The following KAZN variants were observed in gnomAD, a reference collection of about 807,000 sequenced individuals.
The protein encoded by KAZN is kazrin.
In KAZN, 40 loss-of-function variants were observed where a neutral mutation model predicts 87.4. That is an observed-to-expected ratio of 0.46 (90% CI 0.36 to 0.60). The LOEUF is 0.60. KAZN is among the 20% of genes least tolerant of loss of function. KAZN has a pLI of 0.00. For missense variants in KAZN, 898 were observed against 1,073.9 expected, an observed-to-expected ratio of 0.84 and a Z score of 2.29; for synonymous variants, 466 against 458.3, an observed-to-expected ratio of 1.02 and a Z score of -0.22.
chr1:15,082,213 C>A (rs1378122156), intron 8 of KAZN, among the ~76,000 whole-genome samples: 1 of 152,094 alleles, frequency 6.6e-6, no homozygotes, highest in Non-Finnish European at 1.5e-5. Context: ...ACAGGCCCAG[C>A]CAGGTGCAGG....
chr1:14,283,050 A>G (rs971340323), intron 2 of KAZN, among the ~76,000 whole-genome samples: 7 of 152,212 alleles, frequency 4.6e-5, no homozygotes, highest in African/African-American at 1.4e-4. Context: ...CAGAGCAAAG[A>G]AGGAGTCAGG....
chr1:14,798,735 A>G (rs1645912230), intron 1 of KAZN, among the ~76,000 whole-genome samples: 1 of 150,660 alleles, frequency 6.6e-6, no homozygotes, highest in African/African-American at 2.4e-5. Context: ...CGCCCGGCCC[A>G]CTTTCTTTTT....
At chr1:14,198,251 A>T (rs1373161085) in intron 2 of KAZN, among the ~76,000 whole-genome samples, 1 of 152,154 alleles carries the variant, frequency 6.6e-6, no homozygotes, top group African/African-American at 2.4e-5. Context: ...TGGTGATAAA[A>T]ATCTGACTTT....
rs185971878 is a variant in KAZN, at chr1:14,133,321, C to T, written c.92-47114C>T. Among the ~76,000 whole-genome samples, 341 of 145,464 alleles carry T rather than the reference C, an allele frequency of 2.3e-3. 7 individuals carry two copies. The highest frequency in any genetic ancestry group is 7.7e-3 in the African/African-American group (302 of 39,056). ...GGCAGAGGTTGCAGTGAGCTGAGAT[C>T]GTGCCATTGCACTCCAGCCTGGTGA... On this transcript the variant is annotated intron_variant, in intron 1 of 16. Transcript: ENST00000636203.
intron 2 of KAZN, among the ~76,000 whole-genome samples, chr1:14,195,511 T>TCACA (rs55792359): frequency 0.39 from 57,569 of 145,790 alleles, 12,511 homozygotes; most frequent in East Asian, 0.63. Flanking sequence ...CAAAAACGGC[T>TCACA]CACACACACA....
chr1:14,180,489 A>G, exon 2 of KAZN: 2 of 1,550,418 alleles, frequency 1.3e-6, no homozygotes, highest in Non-Finnish European at 1.7e-6. Context: ...ATTGTCACCA[A>G]GTCGAAGGCA....
At position 14,580,812 on chromosome 1, in the gene KAZN, C is replaced by T. The variant is rs185556831; in HGVS notation, c.250-18171C>T. Reference sequence around the variant, plus strand: ...CATTCCAGATTCTTGGTCGATCATTCGATGTCATCAATGTCATCAACCAAT... The same window carrying T: ...CATTCCAGATTCTTGGTCGATCATTTGATGTCATCAATGTCATCAACCAAT... On this transcript the variant is annotated intron_variant, in intron 2 of 16. Coordinates refer to the KAZN transcript ENST00000636203. 2.0e-3 allele frequency among the ~76,000 whole-genome samples: 306 copies of T among 152,256 alleles called. 1 individual carries two copies. The highest frequency in any genetic ancestry group is 3.5e-3 in the Non-Finnish European group (241 of 68,014).
intron 2 of KAZN, among the ~76,000 whole-genome samples, chr1:14,360,231 C>T (rs1659389384): frequency 6.6e-6 from 1 of 152,122 alleles, no homozygotes. Flanking sequence ...TTGATCAATT[C>T]AGCTATTGAT....
intron 1 of KAZN, among the ~76,000 whole-genome samples, chr1:14,076,837 G>GT (rs1643478703): frequency 6.6e-6 from 1 of 152,160 alleles, no homozygotes; most frequent in African/African-American, 2.4e-5. Flanking sequence ...CTGTGAGCTG[G>GT]TTGTGGGGCC....
At chr1:13,911,745 A>G (rs746318113) in intron 1 of KAZN, among the ~76,000 whole-genome samples, 7 of 152,190 alleles carry the variant, frequency 4.6e-5, no homozygotes, top group Non-Finnish European at 1.0e-4. Flanking sequence ...CATTTAATGT[A>G]TTAAATCCTT....
At chr1:14,328,160 C>T (rs1248077089) in intron 2 of KAZN, among the ~76,000 whole-genome samples, 2 of 152,180 alleles carry the variant, frequency 1.3e-5, no homozygotes, top group East Asian at 3.9e-4. Context: ...GCCATACTGC[C>T]CCTAATCTCT....
At chr1:14,473,504 G>A (rs971037684) in intron 2 of KAZN, among the ~76,000 whole-genome samples, 3 of 152,058 alleles carry the variant, frequency 2.0e-5, no homozygotes, top group African/African-American at 4.8e-5. Context: ...GCATATGCCT[G>A]TAGTTCCAGC....
intron 2 of KAZN, among the ~76,000 whole-genome samples, chr1:14,998,076 G>A (rs1668078876): frequency 6.6e-6 from 1 of 152,076 alleles, no homozygotes; most frequent in Admixed American, 6.6e-5. Context: ...TCTGTGCCCA[G>A]GAGCAGGGCA....
chr1:15,045,049 G>T (rs182519085), intron 4 of KAZN, among the ~76,000 whole-genome samples: 1 of 152,088 alleles, frequency 6.6e-6, no homozygotes, highest in Non-Finnish European at 1.5e-5. Flanking sequence ...GGTCGGGAGA[G>T]AGAGCCCTGG....
chr1:14,959,405 A>G (rs1464480104), intron 1 of KAZN, among the ~76,000 whole-genome samples: 1 of 151,344 alleles, frequency 6.6e-6, no homozygotes, highest in Non-Finnish European at 1.5e-5. Context: ...AGAGAGAGGG[A>G]CCAGTGTGGC....
At chr1:14,915,469 G>T (rs1251848157) in intron 1 of KAZN, among the ~76,000 whole-genome samples, 1 of 152,146 alleles carries the variant, frequency 6.6e-6, no homozygotes, top group Non-Finnish European at 1.5e-5. Context: ...TTGCAATGGT[G>T]AACATAGTGT....
intron 1 of KAZN, among the ~76,000 whole-genome samples, chr1:14,715,039 T>A (rs939191018): frequency 2.6e-5 from 4 of 151,612 alleles, no homozygotes; most frequent in African/African-American, 9.7e-5. Context: ...TTAGCAATCC[T>A]CCCACCTCGG....
At chr1:14,444,917 T>G (rs986811545) in intron 2 of KAZN, among the ~76,000 whole-genome samples, 3 of 152,214 alleles carry the variant, frequency 2.0e-5, no homozygotes, top group African/African-American at 4.8e-5. Flanking sequence ...ATTCACATAT[T>G]GAAGCCCTAA....
At chr1:14,726,594 A>T (rs16850791) in intron 1 of KAZN, among the ~76,000 whole-genome samples, 21,267 of 152,224 alleles carry the variant, frequency 0.14, 1,524 homozygotes, top group African/African-American at 0.15. Context: ...CAAGCCCTGC[A>T]AAGATTATGG....
Sources: gnomAD v4.1 joint callset for allele counts (sites outside exome capture counted in the v4.1 genomes callset) on GRCh38, gnomAD v4.1.1 for gene constraint, MANE v1.5 for transcripts, NCBI Gene and HGNC (gene_info 2026-07-23, HGNC 2026-07-21) for gene names.